FOCAD: variants seen among roughly 807,000 people sequenced by gnomAD.
FOCAD encodes KIAA1797.
A neutral mutation model predicts 225.6 loss-of-function variants in FOCAD; 198 were observed. The observed-to-expected ratio is 0.88, with a 90% confidence interval of 0.78 to 0.99. The LOEUF (loss-of-function observed/expected upper bound fraction) is 0.99. Among genes scored for constraint, FOCAD ranks in the 50% least tolerant of loss-of-function variants. FOCAD has a pLI of 0.00. For synonymous variants in FOCAD, 897 were observed against 755.0 expected (o/e 1.19, Z -3.08); for missense variants, 2,713 against 2,123.6 (o/e 1.28, Z -5.46).
Position 20,720,491 on chromosome 9 carries a change from A to C in FOCAD, c.244A>C (p.Ser82Arg). 6.2e-7 allele frequency: 1 copy of C among 1,614,096 alleles called. No individual in the cohort carries two copies. The highest frequency in any genetic ancestry group is 8.5e-7 in the Non-Finnish European group (1 of 1,179,980). The change falls in exon 4 of 44, where the codon AGC becomes CGC. Residue 82 changes from serine (S) to arginine (R), a missense_variant. Transcript: ENST00000338382. ...CGTTGCTCAGGATCATGCAGAGTTC[A>C]GCTATGTTCTCAATGGGATACTCAA... ...ALVAQDHAEF[S>R]YVLNGILNLI...
chr9:20,983,521 G>A (rs370278429), intron 39 of FOCAD, among the ~76,000 whole-genome samples: 4 of 145,880 alleles, frequency 2.7e-5, no homozygotes, highest in African/African-American at 7.7e-5. Flanking sequence ...GCAGTGAGCC[G>A]AGATCCCACC....
rs780098015 is a variant in FOCAD at position 20,874,643 on chromosome 9, T to G, written c.2191-38T>G. The G allele has an allele frequency of 5.0e-6, 8 of 1,592,858 alleles. No individual in the cohort carries two copies. In the South Asian group the frequency reaches 9.2e-5, roughly 18 times the overall value. Reference sequence around the variant, plus strand: ...GAAAAGATTTTGCATAATGTTTTATTATTATCCTCTCTATGATCTTTTCGC... The same window carrying G: ...GAAAAGATTTTGCATAATGTTTTATGATTATCCTCTCTATGATCTTTTCGC... On this transcript the variant is annotated intron_variant, in intron 18 of 43. Transcript: ENST00000338382.
At chr9:20,926,559 G>A (rs1056052968) in intron 26 of FOCAD, 142 bp downstream of exon 26, 60 of 578,864 alleles carry the variant, frequency 1.0e-4, no homozygotes, top group Non-Finnish European at 1.6e-4. Flanking sequence ...TGAGGTGGGC[G>A]GATCACCTGA....
At chr9:20,854,361 C>G (rs1235688802) in intron 15 of FOCAD, among the ~76,000 whole-genome samples, 2 of 151,646 alleles carry the variant, frequency 1.3e-5, no homozygotes, top group Non-Finnish European at 3.0e-5. Flanking sequence ...AGTAGGTGTA[C>G]AGTTGTCTCC....
At chr9:20,698,772 T>G (rs957607102) in intron 1 of FOCAD, among the ~76,000 whole-genome samples, 2 of 152,252 alleles carry the variant, frequency 1.3e-5, no homozygotes, top group Non-Finnish European at 2.9e-5. Context: ...TCTTTACAAA[T>G]GTTATTTTCA....
At chr9:20,666,561 C>T (rs769425013) in intron 2 of FOCAD, among the ~76,000 whole-genome samples, 5 of 152,070 alleles carry the variant, frequency 3.3e-5, no homozygotes, top group African/African-American at 7.2e-5. Context: ...GAGTGAGACC[C>T]TATCTCAAAA....
chr9:20,669,025 G>A lies in FOCAD; in HGVS notation c.-78+10199G>A, dbSNP rs10964651. Among the ~76,000 whole-genome samples the A allele has an allele frequency of 4.5e-4, 69 of 152,256 alleles. No individual in the cohort carries two copies. The East Asian group carries it at 0.013, about 29-fold the overall frequency. On this transcript the variant is annotated intron_variant, in intron 2 of 45. Transcript: ENST00000380249. ...CCCTGTGACTTCCATAGGAAGTCCT[G>A]TTTGGAGACCGGAGGATGGAAGAGA...
At position 20,778,780 on chromosome 9, in the gene FOCAD, T is replaced by C. The variant is rs1819059087; in HGVS notation, c.994+12T>C. The stretch of plus-strand genomic sequence containing the variant: ...AATCTTAAATCTAGGTAAATAAAAA[T>C]ACAGTCACTAGAGTAAAATGTAAAT... On this transcript the variant is annotated intron_variant, in intron 9 of 43. Coordinates refer to ENST00000338382, the MANE Select transcript of FOCAD (RefSeq NM_001375567.1). 2 of 1,480,520 alleles carry C rather than the reference T, an allele frequency of 1.4e-6. No homozygotes were observed. The highest frequency in any genetic ancestry group is 2.3e-5 in the East Asian group (1 of 44,230). 91.7% of individuals were successfully genotyped at this position (1,480,520 alleles called of 1,614,324 possible).
At chr9:20,692,243 C>T (rs751256045) in intron 1 of FOCAD, among the ~76,000 whole-genome samples, 26 of 152,134 alleles carry the variant, frequency 1.7e-4, no homozygotes, top group Non-Finnish European at 3.7e-4. Context: ...TTTCAGTTAA[C>T]AGAAACTCCA....
intron 35 of FOCAD, among the ~76,000 whole-genome samples, chr9:20,970,722 A>C (rs1839692451): frequency 6.6e-6 from 1 of 152,064 alleles, no homozygotes; most frequent in Admixed American, 6.6e-5. Context: ...TTCTTCTGTG[A>C]AATGACAAAG....
intron 20 of FOCAD, among the ~76,000 whole-genome samples, chr9:20,882,685 A>C (rs967153349): frequency 1.1e-4 from 17 of 152,230 alleles, no homozygotes; most frequent in Non-Finnish European, 2.9e-5. Context: ...GCTGGTGAGG[A>C]GGTGGAGAAA....
At chr9:20,779,246 G>A (rs1819107517) in intron 9 of FOCAD, among the ~76,000 whole-genome samples, 1 of 152,188 alleles carries the variant, frequency 6.6e-6, no homozygotes, top group South Asian at 2.1e-4. Flanking sequence ...GCCAAGGGTG[G>A]CAAAAATGTT....
intron 4 of FOCAD, among the ~76,000 whole-genome samples, chr9:20,739,261 C>G (rs1049478411): frequency 6.6e-6 from 1 of 152,184 alleles, no homozygotes; most frequent in African/African-American, 2.4e-5. Context: ...TAGAAAAGTG[C>G]TTAGCTTATG....
chr9:20,794,531 C>A (rs1820858255), intron 11 of FOCAD, among the ~76,000 whole-genome samples: 1 of 152,092 alleles, frequency 6.6e-6, no homozygotes, highest in South Asian at 2.1e-4. Flanking sequence ...AAACTTAAAA[C>A]ACACCAGAAA....
chr9:20,973,341 G>A (rs1367744347), intron 35 of FOCAD, among the ~76,000 whole-genome samples: 1 of 151,152 alleles, frequency 6.6e-6, no homozygotes, highest in Non-Finnish European at 1.5e-5. Flanking sequence ...ATCTGCTGAT[G>A]TGGGCTCTGC....
chr9:20,796,133 A>G (rs1564000888), intron 11 of FOCAD, among the ~76,000 whole-genome samples: 2 of 152,164 alleles, frequency 1.3e-5, no homozygotes, highest in Non-Finnish European at 2.9e-5. Context: ...GTCCCTACAA[A>G]GGACATGAAC....
chr9:20,955,006 T>G (rs1564200096), intron 35 of FOCAD, among the ~76,000 whole-genome samples: 1 of 152,218 alleles, frequency 6.6e-6, no homozygotes, highest in Non-Finnish European at 1.5e-5. Flanking sequence ...CATTTGAATT[T>G]TAATAACTCC....
chr9:20,931,031 C>G (rs941968026), intron 27 of FOCAD, among the ~76,000 whole-genome samples: 13 of 152,152 alleles, frequency 8.5e-5, no homozygotes, highest in African/African-American at 3.1e-4. Context: ...CAGTTTAATT[C>G]TAGGCAACTC....
intron 1 of FOCAD, among the ~76,000 whole-genome samples, chr9:20,710,292 G>A (rs371534632): frequency 3.6e-5 from 5 of 137,676 alleles, no homozygotes; most frequent in South Asian, 2.3e-4. Context: ...GCTTTATCCA[G>A]GGTTTGCTTA....
Sources: allele counts gnomAD v4.1 joint callset (sites outside exome capture counted in the v4.1 genomes callset), GRCh38; gene constraint gnomAD v4.1.1; transcripts MANE v1.5; gene names NCBI Gene and HGNC (gene_info 2026-07-23, HGNC 2026-07-21).